Variants in DOCK7 observed in about 807,000 individuals in gnomAD.
The protein encoded by DOCK7 is dedicator of cytokinesis 7.
In DOCK7, 138 loss-of-function variants were observed where a neutral mutation model predicts 271.0. The ratio of observed to expected loss-of-function variants is 0.51; its 90% CI spans 0.44 to 0.59. DOCK7 has a LOEUF of 0.59. Ranked by LOEUF, DOCK7 falls within the 20% of genes least tolerant of loss-of-function variation. The probability of loss-of-function intolerance (pLI) is 0.00; values close to 1 mark genes in which losing one functional copy is unlikely to be tolerated. For synonymous variants in DOCK7, 823 were observed against 876.1 expected, an observed-to-expected ratio of 0.94 and a Z score of 1.07; for missense variants, 2,066 against 2,592.4, an observed-to-expected ratio of 0.80 and a Z score of 4.41.
chr1:62,666,236 A>C (rs1188227110), intron 1 of DOCK7, among the ~76,000 whole-genome samples: 2 of 152,164 alleles, frequency 1.3e-5, no homozygotes, highest in East Asian at 3.8e-4. Context: ...ACAGCTAATA[A>C]ATAAAAACTT....
intron 1 of DOCK7, among the ~76,000 whole-genome samples, chr1:62,670,716 T>C (rs1243094757): frequency 6.6e-6 from 1 of 152,126 alleles, no homozygotes; most frequent in Non-Finnish European, 1.5e-5. Flanking sequence ...CCTTTGTATC[T>C]AGCTCAGGGA....
At chr1:62,560,048 A>G (rs991965839) in intron 19 of DOCK7, among the ~76,000 whole-genome samples, 12 of 152,136 alleles carry the variant, frequency 7.9e-5, no homozygotes, top group Admixed American at 1.3e-4. Context: ...ATGTGATTCC[A>G]CTGGGAGAGG....
intron 43 of DOCK7, chr1:62,481,473 A>C (rs924877338): frequency 6.6e-6 from 1 of 151,880 alleles, no homozygotes; most frequent in African/African-American, 2.4e-5. Context: ...CTGCAGGAAA[A>C]ACTCACTTCA....
Position 62,487,428 on chromosome 1 carries a change from T to TA in DOCK7, c.5494-17dup, listed in dbSNP as rs755973738. On this transcript the variant is annotated splice_polypyrimidine_tract_variant and intron_variant, in intron 42 of 49. Transcript: ENST00000635253. ...AGCCAGTACTCTGTATAATAAAAAG[T>TA]AAAAAAGGGCAAGTCATAAAAAAAC... is the stretch of plus-strand genomic sequence containing the variant. The TA allele has an allele frequency of 3.1e-6, 5 of 1,609,432 alleles. No individual in the cohort carries two copies. The South Asian group carries it at 5.5e-5, about 18-fold the overall frequency.
chr1:62,620,725 C>G (rs1653086179), intron 12 of DOCK7, among the ~76,000 whole-genome samples: 1 of 149,582 alleles, frequency 6.7e-6, no homozygotes, highest in South Asian at 2.1e-4. Context: ...CTAAAAAATA[C>G]AAAAAAAAAT....
intron 37 of DOCK7, among the ~76,000 whole-genome samples, chr1:62,503,290 A>T (rs1454836113): frequency 6.6e-6 from 1 of 152,006 alleles, no homozygotes; most frequent in African/African-American, 2.4e-5. Context: ...TGAAAACAGA[A>T]CTACTTCCTT....
chr1:62,542,004 T>C (rs544846649), intron 25 of DOCK7, among the ~76,000 whole-genome samples: 2 of 152,100 alleles, frequency 1.3e-5, no homozygotes, highest in Non-Finnish European at 2.9e-5. Context: ...TCCAAGTAGA[T>C]GGAACTACAG....
At chr1:62,615,296 T>A (rs964938154) in intron 14 of DOCK7, among the ~76,000 whole-genome samples, 2 of 151,848 alleles carry the variant, frequency 1.3e-5, no homozygotes, top group Non-Finnish European at 3.0e-5. Context: ...TTTCTCTACT[T>A]CACTGAGGAT....
In DOCK7 at chr1:62,563,761, TAA is replaced by T. The variant is rs542532867; in HGVS notation, c.2113-2060_2113-2059del. The stretch of plus-strand genomic sequence containing the variant: ...AAAAGACACAGACTGGCAAACTGGA[TAA>T]AGAGTCAAGACCCATCACTGTGCTG... On this transcript the variant is annotated intron_variant, in intron 18 of 49. Coordinates refer to ENST00000635253, the MANE Select transcript of DOCK7 (RefSeq NM_001367561.1). Among the ~76,000 whole-genome samples the T allele has an allele frequency of 2.9e-4, 42 of 147,236 alleles. No homozygotes were observed. In the East Asian group the frequency reaches 8.5e-3, roughly 30 times the overall value.
intron 43 of DOCK7, chr1:62,485,264 A>G: frequency 2.0e-6 from 2 of 985,430 alleles, no homozygotes; most frequent in Non-Finnish European, 2.4e-6. Context: ...TAACAGCCAC[A>G]TGACTCCCGA....
At chr1:62,672,911 C>T (rs1394427038) in intron 1 of DOCK7, among the ~76,000 whole-genome samples, 1 of 152,030 alleles carries the variant, frequency 6.6e-6, no homozygotes, top group Admixed American at 6.5e-5. Context: ...CAAAACCCAG[C>T]CTTTCACAGG....
intron 49 of DOCK7, among the ~76,000 whole-genome samples, chr1:62,457,281 A>T (rs1044657477): frequency 6.6e-6 from 1 of 152,162 alleles, no homozygotes; most frequent in Non-Finnish European, 1.5e-5. Flanking sequence ...AAAATTCTGA[A>T]ATGTTCCAAT....
rs748137499 is a variant in DOCK7, at chr1:62,505,669, C to T, written c.4611+13G>A. ...ACAAAGTCTGACAACACTGCAGGTACAAAATAACCTACCTTTGAAACCAAG... is the reference window on the plus strand; with the variant it reads ...ACAAAGTCTGACAACACTGCAGGTATAAAATAACCTACCTTTGAAACCAAG... On this transcript the variant is annotated intron_variant, in intron 36 of 49. Coordinates refer to ENST00000635253, the MANE Select transcript of DOCK7 (RefSeq NM_001367561.1). 1.3e-6 allele frequency: 2 copies of T among 1,597,544 alleles called. No homozygotes were observed. The highest frequency in any genetic ancestry group is 2.2e-5 in the East Asian group (1 of 44,692).
Position 62,636,013 on chromosome 1 carries a change from G to A in DOCK7, c.885+524C>T, listed in dbSNP as rs913215174. Among the ~76,000 whole-genome samples, 6 of 152,178 alleles carry A rather than the reference G, an allele frequency of 3.9e-5. 1 individual carries two copies. Among genetic ancestry groups the A allele is most frequent in the Admixed American group, 1.3e-4 (2 of 15,262 alleles). ...CACGCCTGTAATCCCAGCACTTTGG[G>A]AGGCCAAGATGGGCGGATCACGAGG... On this transcript the variant is annotated intron_variant, in intron 8 of 49. Transcript: ENST00000635253.
At chr1:62,591,390 T>C (rs970570555) in intron 14 of DOCK7, among the ~76,000 whole-genome samples, 1 of 152,072 alleles carries the variant, frequency 6.6e-6, no homozygotes, top group Non-Finnish European at 1.5e-5. Flanking sequence ...AAAAGATAAC[T>C]ATTGGGTACT....
chr1:62,629,305 A>G (rs1237360633), intron 11 of DOCK7: 1 of 152,254 alleles, frequency 6.6e-6, no homozygotes, highest in African/African-American at 2.4e-5. Flanking sequence ...TTTCAACACT[A>G]TGAAACATTA....
At chr1:62,636,768 C>T (rs1002227290) in intron 7 of DOCK7, among the ~76,000 whole-genome samples, 165 bp from the exon 8 acceptor site, 4 of 152,116 alleles carry the variant, frequency 2.6e-5, no homozygotes, top group African/African-American at 4.8e-5. Flanking sequence ...CTATGCATAT[C>T]GTTCAGAGTC....
chr1:62,501,074 G>A (rs190088575), intron 37 of DOCK7, among the ~76,000 whole-genome samples: 20 of 152,152 alleles, frequency 1.3e-4, no homozygotes, highest in Non-Finnish European at 2.1e-4. Context: ...TGGGCAGGGC[G>A]AGGTGGCTCA....
chr1:62,595,201 T>C (rs888231448), intron 14 of DOCK7, among the ~76,000 whole-genome samples: 1 of 152,198 alleles, frequency 6.6e-6, no homozygotes, highest in Non-Finnish European at 1.5e-5. Flanking sequence ...AATTTCTCAA[T>C]TTACATTATC....
Sources: gnomAD v4.1 joint callset for allele counts (sites outside exome capture counted in the v4.1 genomes callset) on GRCh38, gnomAD v4.1.1 for gene constraint, MANE v1.5 for transcripts, NCBI Gene and HGNC (gene_info 2026-07-23, HGNC 2026-07-21) for gene names.